MCTP1: variants seen among roughly 807,000 people sequenced by gnomAD.
The protein encoded by MCTP1 is multiple C2 and transmembrane domain containing 1.
MCTP1 carries 69 observed loss-of-function variants against 120.6 expected under a neutral mutation model. The observed-to-expected ratio is 0.57, with a 90% confidence interval of 0.47 to 0.70. The LOEUF is 0.70. Among genes scored for constraint, MCTP1 ranks in the 30% least tolerant of loss-of-function variants. The pLI, the probability that MCTP1 is intolerant of heterozygous loss-of-function variation, is 0.00. For missense variants in MCTP1, 1,203 were observed against 1,248.8 expected, an observed-to-expected ratio of 0.96 and a Z score of 0.55; for synonymous variants, 529 against 493.1, an observed-to-expected ratio of 1.07 and a Z score of -0.96.
At chr5:95,184,142 A>T (rs1748930111) in intron 1 of MCTP1, among the ~76,000 whole-genome samples, 1 of 152,066 alleles carries the variant, frequency 6.6e-6, no homozygotes, top group Non-Finnish European at 1.5e-5. Context: ...TGTATCCCAG[A>T]TCTTAAAGTA....
chr5:95,279,423 A>C (rs1760132878), intron 1 of MCTP1, among the ~76,000 whole-genome samples: 1 of 152,140 alleles, frequency 6.6e-6, no homozygotes, highest in Non-Finnish European at 1.5e-5. Flanking sequence ...TACTACCTTG[A>C]TTTGTCACAG....
chr5:94,712,233 T>G (rs1757282297), intron 20 of MCTP1, among the ~76,000 whole-genome samples: 1 of 152,122 alleles, frequency 6.6e-6, no homozygotes, highest in Non-Finnish European at 1.5e-5. Context: ...GATGGTAATA[T>G]GTTTATGTGA....
intron 1 of MCTP1, among the ~76,000 whole-genome samples, chr5:95,145,505 A>G (rs1348796994): frequency 2.0e-5 from 3 of 152,138 alleles, no homozygotes; most frequent in African/African-American, 7.2e-5. Context: ...ACTTTTGCCT[A>G]TTCAGTATGA....
At chr5:94,772,721 G>A (rs576299948) in intron 19 of MCTP1, among the ~76,000 whole-genome samples, 1 of 152,214 alleles carries the variant, frequency 6.6e-6, no homozygotes, top group African/African-American at 2.4e-5. Context: ...TCTCTAGCTG[G>A]GGTGAAAGGT....
intron 1 of MCTP1, among the ~76,000 whole-genome samples, chr5:95,263,608 G>C (rs372235215): frequency 1.3e-5 from 2 of 152,300 alleles, no homozygotes; most frequent in South Asian, 4.1e-4. Flanking sequence ...ATTCCTGAAG[G>C]CTCCAAGAGA....
At chr5:94,890,952 TAA>T (rs541547765) in intron 11 of MCTP1, among the ~76,000 whole-genome samples, 41 of 152,336 alleles carry the variant, frequency 2.7e-4, no homozygotes, top group African/African-American at 9.9e-4. Flanking sequence ...TTTTGCATTA[TAA>T]AGTTATTAAA....
chr5:94,718,921 A>G (rs1760188149), intron 19 of MCTP1, among the ~76,000 whole-genome samples: 2 of 152,130 alleles, frequency 1.3e-5, no homozygotes. Context: ...GGGTTTTACC[A>G]TGTTGGCCAG....
intron 17 of MCTP1, among the ~76,000 whole-genome samples, chr5:94,864,625 A>C (rs925980169): frequency 3.9e-5 from 6 of 151,942 alleles, no homozygotes; most frequent in African/African-American, 1.4e-4. Context: ...ATCAAATGTT[A>C]ATGTTAAACA....
chr5:95,284,221 A>AC lies in MCTP1; in HGVS notation c.354dup (p.Ser119ValfsTer64). ...TCGCGGATCCGGCGGCGTAGCGTGG[A>AC]CCCCTGCTCGGCTCTGCCGGCGCCG... is the stretch of plus-strand genomic sequence containing the variant. On this transcript the variant is annotated frameshift_variant, in exon 1 of 23. Coordinates refer to ENST00000515393, the MANE Select transcript of MCTP1 (RefSeq NM_024717.7). LOFTEE classifies it high-confidence loss of function. The surrounding 1 kb of genome is among the most constrained non-coding windows in gnomAD (Gnocchi z 5.2). 1 of 1,574,958 alleles carries AC rather than the reference A, an allele frequency of 6.3e-7. No homozygotes were observed. The highest frequency in any genetic ancestry group is 2.3e-5 in the East Asian group (1 of 43,308).
At chr5:94,757,613 A>C (rs535978091) in intron 19 of MCTP1, among the ~76,000 whole-genome samples, 11 of 152,332 alleles carry the variant, frequency 7.2e-5, no homozygotes, top group Non-Finnish European at 1.2e-4. Context: ...GAGACAACAG[A>C]CTTGAGACGA....
intron 1 of MCTP1, among the ~76,000 whole-genome samples, chr5:95,200,808 A>C (rs982016876): frequency 6.6e-6 from 1 of 152,242 alleles, no homozygotes; most frequent in Non-Finnish European, 1.5e-5. Context: ...TGTTCTCACC[A>C]CAAAAACTGA....
At chr5:94,826,627 C>T in intron 17 of MCTP1, 1 of 783,808 alleles carries the variant, frequency 1.3e-6, no homozygotes. Flanking sequence ...CTGCAAAATT[C>T]CTTCACTTTT....
At chr5:95,266,136 G>A (rs1415168048) in intron 1 of MCTP1, among the ~76,000 whole-genome samples, 1 of 152,176 alleles carries the variant, frequency 6.6e-6, no homozygotes, top group Non-Finnish European at 1.5e-5. Context: ...CCTACTGTTA[G>A]GAGGCCAGTC....
chr5:94,745,329 A>AGG (rs1766621225), intron 19 of MCTP1, among the ~76,000 whole-genome samples: 1 of 152,158 alleles, frequency 6.6e-6, no homozygotes, highest in Non-Finnish European at 1.5e-5. Flanking sequence ...AGATGTGAGG[A>AGG]GGGATAAAGG....
At chr5:95,171,270 C>A (rs961854759) in intron 1 of MCTP1, among the ~76,000 whole-genome samples, 1 of 152,102 alleles carries the variant, frequency 6.6e-6, no homozygotes, top group Non-Finnish European at 1.5e-5. Flanking sequence ...GAGTTTCTGC[C>A]GAGAGATCCG....
intron 2 of MCTP1, among the ~76,000 whole-genome samples, chr5:95,006,336 T>C (rs1294890511): frequency 6.6e-6 from 1 of 151,486 alleles, no homozygotes; most frequent in Non-Finnish European, 1.5e-5. Flanking sequence ...TATATATATG[T>C]GTGTATGTGT....
chr5:95,252,656 T>C (rs1757490686), intron 1 of MCTP1, among the ~76,000 whole-genome samples: 1 of 152,132 alleles, frequency 6.6e-6, no homozygotes, highest in African/African-American at 2.4e-5. Context: ...GTCTAGGATC[T>C]ACTTTCACAC....
chr5:95,182,261 C>T (rs1748682320), intron 1 of MCTP1, among the ~76,000 whole-genome samples: 1 of 152,212 alleles, frequency 6.6e-6, no homozygotes, highest in South Asian at 2.1e-4. Context: ...CTCAAAGATA[C>T]ATCATGATAT....
chr5:94,883,541 T>A (rs1319772276), intron 12 of MCTP1, among the ~76,000 whole-genome samples: 1 of 152,236 alleles, frequency 6.6e-6, no homozygotes, highest in East Asian at 1.9e-4. Flanking sequence ...ATTTTATCCC[T>A]GATAATATAC....
Sources: allele counts gnomAD v4.1 joint callset (sites outside exome capture counted in the v4.1 genomes callset), GRCh38; gene constraint gnomAD v4.1.1; non-coding constraint Gnocchi (gnomAD v3.1); transcripts MANE v1.5; gene names NCBI Gene and HGNC (gene_info 2026-07-23, HGNC 2026-07-21).